The following STX3 variants were observed in gnomAD, a reference collection of about 807,000 sequenced individuals.
STX3 encodes syntaxin-3.
In STX3, 19 loss-of-function variants were observed where a neutral mutation model predicts 40.2. That is an observed-to-expected ratio of 0.47 (90% CI 0.33 to 0.69). The LOEUF is 0.69. Ranked by LOEUF, STX3 falls within the 30% of genes least tolerant of loss-of-function variation. The probability of loss-of-function intolerance (pLI) is 0.02; values close to 1 mark genes in which losing one functional copy is unlikely to be tolerated. For missense variants in STX3, 364 were observed against 366.7 expected, an observed-to-expected ratio of 0.99 and a Z score of 0.06; for synonymous variants, 122 against 132.2, an observed-to-expected ratio of 0.92 and a Z score of 0.53.
In STX3 at chr11:59,803,061, C is replaced by T. The variant is rs1032970268; in HGVS notation, c.*2237C>T. ...TCACCAAAAATAACATTTCTGTTGGCATTCTGGGTCCTAGAAGCCAGATCC... is the reference window on the plus strand; with the variant it reads ...TCACCAAAAATAACATTTCTGTTGGTATTCTGGGTCCTAGAAGCCAGATCC... On this transcript the variant is annotated 3_prime_UTR_variant, in exon 11 of 11. Transcript: ENST00000337979. 8.1e-6 allele frequency: 8 copies of T among 985,316 alleles called. No individual in the cohort carries two copies. The South Asian group carries it at 3.3e-4, about 40-fold the overall frequency. The allele number at this position is 985,316 out of a possible 1,614,324, so 61.0% of individuals were successfully genotyped here.
intron 2 of STX3, among the ~76,000 whole-genome samples, chr11:59,778,536 A>T (rs1394079900): frequency 6.6e-6 from 1 of 152,152 alleles, no homozygotes; most frequent in Non-Finnish European, 1.5e-5. Context: ...GATTTCTGTT[A>T]AAAAGAAAGA....
At chr11:59,763,977 C>T (rs1863161630) in intron 1 of STX3, among the ~76,000 whole-genome samples, 1 of 151,154 alleles carries the variant, frequency 6.6e-6, no homozygotes, top group African/African-American at 2.4e-5. Flanking sequence ...AAGATCAAGC[C>T]ATTGCACTCC....
At chr11:59,755,750 C>A (rs563829165) in intron 1 of STX3, 115 bp downstream of exon 1, 1 of 1,360,826 alleles carries the variant, frequency 7.3e-7, no homozygotes, top group Non-Finnish European at 9.6e-7. Flanking sequence ...CTTGCCCTCC[C>A]CAAGCCCCCA....
chr11:59,786,243 CTT>C (rs1333761860), intron 2 of STX3, among the ~76,000 whole-genome samples: 27 of 135,436 alleles, frequency 2.0e-4, no homozygotes, highest in Admixed American at 2.2e-4. Context: ...TTCTTTCTTT[CTT>C]TTTTTTTTTT....
rs1862655776 is a variant in STX3 at position 59,755,485 on chromosome 11, C to T, written c.-121C>T. ...CGGCCGCCGCCCGCCGCCGCCTGCG[C>T]CTCCAGCTCCTTCGCCCCGGCGGGC... On this transcript the variant is annotated 5_prime_UTR_variant, in exon 1 of 11. Coordinates refer to ENST00000337979, the MANE Select transcript of STX3 (RefSeq NM_004177.5). The T allele has an allele frequency of 3.9e-6, 5 of 1,283,368 alleles. No homozygotes were observed. The South Asian group carries it at 8.3e-5, about 21-fold the overall frequency. The allele number at this position is 1,283,368 out of a possible 1,614,324, so 79.5% of individuals were successfully genotyped here.
Position 59,795,741 on chromosome 11 carries a change from G to C in STX3, c.786+259G>C, listed in dbSNP as rs116216571. 1.4e-3 allele frequency: 2,160 copies of C among 1,522,596 alleles called. 19 individuals are homozygous for C. In the African/African-American group the frequency reaches 0.024, roughly 17 times the overall value. The allele number at this position is 1,522,596 out of a possible 1,614,324, so 94.3% of individuals were successfully genotyped here. On this transcript the variant is annotated intron_variant, in intron 9 of 10. Coordinates refer to ENST00000337979, the MANE Select transcript of STX3 (RefSeq NM_004177.5). ...AGCACCTTCATCTCAACTGTCCTTC[G>C]TCTCAGCTGTCTTACTAGTATCTCT...
intron 1 of STX3, among the ~76,000 whole-genome samples, chr11:59,764,883 CTAT>C (rs71454394): frequency 0.044 from 6,425 of 145,110 alleles, 226 homozygotes; most frequent in Admixed American, 0.082. Flanking sequence ...CACACATTAT[CTAT>C]TATTATTATT....
chr11:59,765,802 T>A (rs1378468409), intron 1 of STX3, among the ~76,000 whole-genome samples: 7 of 152,054 alleles, frequency 4.6e-5, no homozygotes, highest in Non-Finnish European at 8.8e-5. Flanking sequence ...AGACTCTGTC[T>A]CAAACAAACA....
intron 2 of STX3, among the ~76,000 whole-genome samples, chr11:59,777,723 G>C (rs1347901419): frequency 1.4e-5 from 2 of 143,930 alleles, no homozygotes; most frequent in Non-Finnish European, 3.2e-5. Context: ...AGGATTGTGA[G>C]AGAGAGAGTC....
chr11:59,772,974 A>AACACACACAC (rs3035302), intron 1 of STX3, among the ~76,000 whole-genome samples: 33 of 140,680 alleles, frequency 2.3e-4, no homozygotes, highest in South Asian at 1.1e-3. Context: ...CCCTGAAAGA[A>AACACACACAC]ACACACACAC....
Position 59,755,522 on chromosome 11 carries a change from T to C in STX3, c.-84T>C, listed in dbSNP as rs1372044585. On this transcript the variant is annotated 5_prime_UTR_variant, in exon 1 of 11. Coordinates refer to ENST00000337979, the MANE Select transcript of STX3 (RefSeq NM_004177.5). The stretch of plus-strand genomic sequence containing the variant: ...TCGCCCCGGCGGGCCCGGCCGCCGC[T>C]TCCGGCAGCTCACCTGGGAAGCGCT... 31 of 1,471,484 alleles carry C rather than the reference T, an allele frequency of 2.1e-5. No individual in the cohort carries two copies. The highest frequency in any genetic ancestry group is 2.4e-5 in the Non-Finnish European group (27 of 1,120,038). 91.2% of individuals were successfully genotyped at this position (1,471,484 alleles called of 1,614,324 possible). A position where few individuals can be genotyped will look rare whatever the true frequency, so the allele number is the denominator to read the frequency against.
In STX3 at chr11:59,756,312, A is replaced by G. The variant is rs117301273; in HGVS notation, c.30+677A>G. ...CTGTTTCCTTATCTATCAAATGGGA[A>G]TGATCATACCCTAGGAATTTGTTGG... is the stretch of plus-strand genomic sequence containing the variant. On this transcript the variant is annotated intron_variant, in intron 1 of 10. Coordinates refer to ENST00000337979, the MANE Select transcript of STX3 (RefSeq NM_004177.5). Among the ~76,000 whole-genome samples the G allele has an allele frequency of 3.9e-5, 6 of 152,360 alleles. No individual in the cohort carries two copies. The East Asian group carries it at 1.2e-3, about 29-fold the overall frequency.
chr11:59,763,718 A>C (rs1349241814), intron 1 of STX3, among the ~76,000 whole-genome samples: 5 of 152,314 alleles, frequency 3.3e-5, no homozygotes, highest in South Asian at 2.1e-4. Context: ...ATGACAAACT[A>C]TTTAGAAATA....
intron 2 of STX3, among the ~76,000 whole-genome samples, chr11:59,783,354 C>T (rs1864539164): frequency 6.6e-6 from 1 of 152,166 alleles, no homozygotes. Context: ...TGAGTTCAAA[C>T]CTCAGTTTTG....
Position 59,803,087 on chromosome 11 carries a change from A to G in STX3, c.*2263A>G, listed in dbSNP as rs1865954504. Reference sequence around the variant, plus strand: ...ATTCTGGGTCCTAGAAGCCAGATCCATCTCCTTTTTCCTTCTGTTGCTCTC... The same window carrying G: ...ATTCTGGGTCCTAGAAGCCAGATCCGTCTCCTTTTTCCTTCTGTTGCTCTC... On this transcript the variant is annotated 3_prime_UTR_variant, in exon 11 of 11. Transcript: ENST00000337979. The G allele has an allele frequency of 8.1e-7, 1 of 1,227,796 alleles. No homozygotes were observed. Among genetic ancestry groups the G allele is most frequent in the Non-Finnish European group, 1.0e-6 (1 of 985,894 alleles). The allele number at this position is 1,227,796 out of a possible 1,614,324, so 76.1% of individuals were successfully genotyped here. A position where few individuals can be genotyped will look rare whatever the true frequency, so the allele number is the denominator to read the frequency against.
chr11:59,801,100 C>T lies in STX3; in HGVS notation c.*276C>T. 7.2e-7 allele frequency: 1 copy of T among 1,397,578 alleles called. No individual in the cohort carries two copies. The highest frequency in any genetic ancestry group is 1.4e-5 in the African/African-American group (1 of 69,278). 86.6% of individuals were successfully genotyped at this position (1,397,578 alleles called of 1,614,324 possible). ...CCTTTTCTCCTGGACTGTGTGGACCCACCCAGCTTTCTTCCTCCCTGTTGT... is the reference window on the plus strand; with the variant it reads ...CCTTTTCTCCTGGACTGTGTGGACCTACCCAGCTTTCTTCCTCCCTGTTGT... On this transcript the variant is annotated 3_prime_UTR_variant, in exon 11 of 11. Coordinates refer to ENST00000337979, the MANE Select transcript of STX3 (RefSeq NM_004177.5).
At chr11:59,758,110 A>C (rs1862829812) in intron 1 of STX3, among the ~76,000 whole-genome samples, 1 of 152,068 alleles carries the variant, frequency 6.6e-6, no homozygotes, top group Non-Finnish European at 1.5e-5. Context: ...CGTGCCTGTG[A>C]TTGACTTTGT....
chr11:59,799,188 C>T (rs1044815340), intron 10 of STX3, among the ~76,000 whole-genome samples: 4 of 152,144 alleles, frequency 2.6e-5, no homozygotes, highest in African/African-American at 4.8e-5. Context: ...CTGCGCCCAG[C>T]CAGTGACTTT....
chr11:59,789,089 C>G, intron 4 of STX3, 142 bp downstream of exon 4: 3 of 677,988 alleles, frequency 4.4e-6, no homozygotes, highest in Non-Finnish European at 5.0e-6. Context: ...GGGCTCTGTC[C>G]CCGCAATGAT....
Sources: gnomAD v4.1 joint callset for allele counts (sites outside exome capture counted in the v4.1 genomes callset) on GRCh38, gnomAD v4.1.1 for gene constraint, MANE v1.5 for transcripts, NCBI Gene and HGNC (gene_info 2026-07-23, HGNC 2026-07-21) for gene names.